ZNF582: variants seen among roughly 807,000 people sequenced by gnomAD.
The protein encoded by ZNF582 is zinc finger protein 582.
Under a neutral mutation model 12.3 loss-of-function variants are expected in ZNF582, and 14 were observed. The observed-to-expected ratio is 1.14, with a 90% CI of 0.75 to 1.78. The LOEUF is 1.78. Ranked by LOEUF, ZNF582 falls within the 40% of genes most tolerant of loss-of-function variation. The pLI, the probability that ZNF582 is intolerant of heterozygous loss-of-function variation, is 0.00. For synonymous variants in ZNF582, 210 were observed against 207.2 expected (o/e 1.01, Z -0.11); for missense variants, 567 against 616.5 (o/e 0.92, Z 0.85).
In ZNF582 at chr19:56,393,282, C is replaced by T. The variant is rs558249483; in HGVS notation, c.-143G>A. ...CAGAAAGGGGGCGCCAGAAAGCGCA[C>T]GCCGCGAGGGCCGGCGGGAAATGTA... is the stretch of plus-strand genomic sequence containing the variant. On this transcript the variant is annotated 5_prime_UTR_variant, in exon 1 of 5. In the 5' UTR this introduces an upstream ATG that the reference lacks. Coordinates refer to ENST00000586929, the Ensembl canonical transcript of ZNF582. 5 of 1,242,084 alleles carry T rather than the reference C, an allele frequency of 4.0e-6. No homozygotes were observed. The highest frequency in any genetic ancestry group is 1.6e-5 in the African/African-American group (1 of 63,328). 76.9% of individuals were successfully genotyped at this position (1,242,084 alleles called of 1,614,324 possible).
intron 2 of ZNF582, among the ~76,000 whole-genome samples, chr19:56,391,274 G>C (rs1193322027): frequency 1.3e-5 from 2 of 152,124 alleles, no homozygotes; most frequent in Non-Finnish European, 2.9e-5. Context: ...AGATTCAAAT[G>C]CTCTGTCCAA....
chr19:56,383,773 G>A (rs2041937688), exon 5 of ZNF582: 11 of 1,416,642 alleles, frequency 7.8e-6, no homozygotes, highest in Non-Finnish European at 1.0e-5. Flanking sequence ...TTAGGATAAA[G>A]GCTTACCTCT....
At chr19:56,386,195 C>T (rs928683815) in intron 4 of ZNF582, 2 of 152,172 alleles carry the variant, frequency 1.3e-5, no homozygotes, top group Non-Finnish European at 2.9e-5. Flanking sequence ...GCCTGGAGGA[C>T]ATGCAGGAGA....
exon 5 of ZNF582, chr19:56,385,005 G>A (rs766232351): frequency 1.2e-6 from 2 of 1,614,126 alleles, no homozygotes; most frequent in East Asian, 2.2e-5. Flanking sequence ...TGATGGAAAT[G>A]TCTGTCTGGA....
At chr19:56,384,011 G>A in exon 5 of ZNF582, 1 of 1,613,742 alleles carries the variant, frequency 6.2e-7, no homozygotes, top group Non-Finnish European at 8.5e-7. Context: ...CATTCTCTGA[G>A]GTTGAACGGT....
intron 4 of ZNF582, among the ~76,000 whole-genome samples, chr19:56,388,778 A>C (rs1199171563): frequency 6.6e-6 from 1 of 152,150 alleles, no homozygotes; most frequent in African/African-American, 2.4e-5. Flanking sequence ...GATTATAGGC[A>C]CGTGCCACCA....
chr19:56,385,031 T>C (rs752134655), exon 5 of ZNF582: 1 of 1,614,154 alleles, frequency 6.2e-7, no homozygotes, highest in Non-Finnish European at 8.5e-7. Context: ...CTGTTGTCTG[T>C]CAAACTGGTT....
At chr19:56,393,448 C>G in exon 1 of ZNF582, 1 of 529,448 alleles carries the variant, frequency 1.9e-6, no homozygotes, top group South Asian at 1.4e-5. Flanking sequence ...TCACCTGCCG[C>G]CTCCTCGGGT....
rs547128106 is a variant in ZNF582 at position 56,388,848 on chromosome 19, G to A, written c.232+1153C>T. Among the ~76,000 whole-genome samples the A allele has an allele frequency of 7.6e-4, 115 of 152,202 alleles. 1 individual carries two copies. Among genetic ancestry groups the A allele is most frequent in the African/African-American group, 2.6e-3 (107 of 41,534 alleles). ...AGGTTTCACCATGTTGGCCAGACTG[G>A]TCAAGTGATTTGGCCGCCTCAGCCT... On this transcript the variant is annotated intron_variant, in intron 4 of 4. Coordinates refer to ENST00000586929, the Ensembl canonical transcript of ZNF582.
At chr19:56,392,941 G>C (rs938171792) in intron 1 of ZNF582, among the ~76,000 whole-genome samples, 1 of 152,114 alleles carries the variant, frequency 6.6e-6, no homozygotes, top group Non-Finnish European at 1.5e-5. Context: ...ACTTTTATAA[G>C]CATTATTTGT....
At chr19:56,386,096 C>G (rs568188450) in intron 4 of ZNF582, 2 of 152,042 alleles carry the variant, frequency 1.3e-5, no homozygotes, top group Non-Finnish European at 2.9e-5. Flanking sequence ...ATGGTGAGCA[C>G]GGTAAATCTT....
chr19:56,393,309 T>C, exon 1 of ZNF582: 2 of 1,214,078 alleles, frequency 1.6e-6, no homozygotes, highest in Non-Finnish European at 2.1e-6. Context: ...GGAAATGTAG[T>C]CTCACGCCGG....
chr19:56,382,988 G>A (rs1220629361), exon 5 of ZNF582: 1 of 152,194 alleles, frequency 6.6e-6, no homozygotes, highest in African/African-American at 2.4e-5. Context: ...TGTCTCTTCT[G>A]AATGAGGAAA....
chr19:56,391,893 A>G (rs2042017021), intron 1 of ZNF582, 61 bp from the exon 2 acceptor site: 1 of 1,461,706 alleles, frequency 6.8e-7, no homozygotes, highest in Non-Finnish European at 9.5e-7. Context: ...TAGAATGCCA[A>G]GTTACAAGTC....
chr19:56,389,196 A>AGT (rs1364227754), intron 4 of ZNF582, among the ~76,000 whole-genome samples: 2 of 152,212 alleles, frequency 1.3e-5, no homozygotes, highest in Non-Finnish European at 2.9e-5. Context: ...TTCCCACTGC[A>AGT]GTGTAAGTTC....
chr19:56,388,367 C>G (rs563065401), intron 4 of ZNF582: 24 of 152,286 alleles, frequency 1.6e-4, no homozygotes, highest in African/African-American at 5.5e-4. Context: ...AGGGAGAAAG[C>G]TCTTCTTTAC....
intron 4 of ZNF582, chr19:56,387,612 A>AGGGGGG (rs1568785888): frequency 1.3e-5 from 2 of 151,372 alleles, no homozygotes; most frequent in Non-Finnish European, 2.9e-5. Flanking sequence ...TCTTTTTTGC[A>AGGGGGG]GGGGAGATGG....
exon 5 of ZNF582, chr19:56,385,009 G>T: frequency 6.2e-7 from 1 of 1,614,114 alleles, no homozygotes; most frequent in Non-Finnish European, 8.5e-7. Context: ...GGAAATGTCT[G>T]TCTGGATTTC....
At position 56,391,553 on chromosome 19, in the gene ZNF582, A is replaced by C. The variant is rs140395756; in HGVS notation, c.9+191T>G. Among the ~76,000 whole-genome samples the C allele has an allele frequency of 3.0e-3, 453 of 152,352 alleles. 1 individual carries two copies. Among genetic ancestry groups the C allele is most frequent in the Non-Finnish European group, 5.0e-3 (339 of 68,036 alleles). ...CTCCTAGCAGACGAAAACCATCAGG[A>C]GATGCAGAATGCTATAGAGAATAAA... On this transcript the variant is annotated intron_variant, in intron 2 of 4. Coordinates refer to ENST00000586929, the Ensembl canonical transcript of ZNF582.
Sources: gnomAD v4.1 joint callset for allele counts (sites outside exome capture counted in the v4.1 genomes callset) on GRCh38, gnomAD v4.1.1 for gene constraint, MANE v1.5 for transcripts, NCBI Gene and HGNC (gene_info 2026-07-23, HGNC 2026-07-21) for gene names.